SLC4A4: variants seen among roughly 807,000 people sequenced by gnomAD.
SLC4A4 encodes the protein solute carrier family 4 member 4.
A neutral mutation model predicts 111.5 loss-of-function variants in SLC4A4; 27 were observed. The observed-to-expected ratio is 0.24, with a 90% CI of 0.18 to 0.33. The LOEUF (loss-of-function observed/expected upper bound fraction) is 0.33. SLC4A4 is among the 10% of genes least tolerant of loss of function. The pLI is 1.00. For missense variants in SLC4A4, 909 were observed against 1,315.5 expected (o/e 0.69, Z 4.78); for synonymous variants, 443 against 463.4 (o/e 0.96, Z 0.57).
rs1736364974 is a variant in SLC4A4, at chr4:71,555,186, T to C, written c.2741T>C (p.Val914Ala). 2 of 1,609,862 alleles carry C rather than the reference T, an allele frequency of 1.2e-6. No homozygotes were observed. Among genetic ancestry groups the C allele is most frequent in the African/African-American group, 2.7e-5 (2 of 74,838 alleles). ...TATGGTGTGTTCCTGTATATGGGAG[T>C]AGCATCCCTTAATGGTGTGCAGGTA... is the stretch of plus-strand genomic sequence containing the variant. ...VLYGVFLYMG[V>A]ASLNGVQFMD... The change falls in exon 21 of 26, where the codon GTA (valine) becomes GCA (alanine). Residue 914 changes from valine to alanine, a missense_variant. Transcript: ENST00000264485.
chr4:71,081,313 G>T (rs1368772622), intron 1 of SLC4A4, among the ~76,000 whole-genome samples: 1 of 152,048 alleles, frequency 6.6e-6, no homozygotes, highest in East Asian at 1.9e-4. Context: ...CAGAGCCTGG[G>T]CTTAGAGCTC....
chr4:71,191,761 A>T (rs1745743100), intron 1 of SLC4A4, among the ~76,000 whole-genome samples: 3 of 152,208 alleles, frequency 2.0e-5, no homozygotes, highest in Admixed American at 2.0e-4. Context: ...TTTCATGTAG[A>T]ATGAACATAG....
chr4:71,303,754 T>G (rs1725456755), intron 3 of SLC4A4, among the ~76,000 whole-genome samples: 1 of 152,086 alleles, frequency 6.6e-6, no homozygotes, highest in Non-Finnish European at 1.5e-5. Flanking sequence ...TTCTTTTACT[T>G]CCCTTTCTTC....
chr4:71,171,137 C>G (rs116559321), intron 2 of SLC4A4, among the ~76,000 whole-genome samples: 255 of 151,494 alleles, frequency 1.7e-3, no homozygotes, highest in African/African-American at 5.9e-3. Context: ...TGAAGAACTA[C>G]TGAAAAATTT....
At chr4:71,110,965 C>A (rs1049311879) in intron 2 of SLC4A4, among the ~76,000 whole-genome samples, 3 of 152,118 alleles carry the variant, frequency 2.0e-5, no homozygotes, top group African/African-American at 7.2e-5. Context: ...CTCTCAGATG[C>A]TATTTTATAC....
At chr4:71,431,548 C>T (rs376514741) in intron 7 of SLC4A4, among the ~76,000 whole-genome samples, 21 of 152,046 alleles carry the variant, frequency 1.4e-4, no homozygotes, top group Admixed American at 6.6e-4. Context: ...CTTTAAAATC[C>T]GAATTTTTGT....
chr4:71,490,406 G>T (rs1427495785), intron 15 of SLC4A4, among the ~76,000 whole-genome samples: 1 of 151,734 alleles, frequency 6.6e-6, no homozygotes, highest in Non-Finnish European at 1.5e-5. Context: ...TTTGATGGTT[G>T]TAACTACTAT....
At chr4:71,142,761 CTTTT>C (rs34495804) in intron 2 of SLC4A4, among the ~76,000 whole-genome samples, 1 of 78,038 alleles carries the variant, frequency 1.3e-5, no homozygotes, top group Non-Finnish European at 2.4e-5. Flanking sequence ...TTTTCTCACT[CTTTT>C]TTTTTTTTTT....
intron 1 of SLC4A4, among the ~76,000 whole-genome samples, chr4:71,084,819 G>C (rs916892234): frequency 1.3e-5 from 2 of 151,980 alleles, no homozygotes; most frequent in African/African-American, 2.4e-5. Context: ...GGACATTTGG[G>C]TTGGTTCCAA....
chr4:71,212,739 C>A (rs1352902851), intron 1 of SLC4A4, among the ~76,000 whole-genome samples: 1 of 152,100 alleles, frequency 6.6e-6, no homozygotes, highest in Non-Finnish European at 1.5e-5. Flanking sequence ...TAGGCCAGGT[C>A]ACATTAAATA....
rs767881694 is a variant in SLC4A4 at position 71,357,204 on chromosome 4, C to A, written c.730+17C>A. ...CTGATAATGGTAATGCAGAGGCCAG[C>A]TGGCTGCTGCTTTCTCTTACTTATT... On this transcript the variant is annotated intron_variant, in intron 6 of 25. Coordinates refer to ENST00000264485, the MANE Select transcript of SLC4A4 (RefSeq NM_001098484.3). 5.6e-6 allele frequency: 9 copies of A among 1,611,676 alleles called. No individual in the cohort carries two copies. In the South Asian group the frequency reaches 9.9e-5, roughly 18 times the overall value.
intron 2 of SLC4A4, among the ~76,000 whole-genome samples, chr4:71,149,075 A>G (rs956428847): frequency 2.0e-5 from 3 of 152,244 alleles, no homozygotes; most frequent in Middle Eastern, 3.4e-3. Context: ...CTTTTTAATA[A>G]TAGCTATTCA....
intron 2 of SLC4A4, among the ~76,000 whole-genome samples, chr4:71,165,349 TA>T (rs1560753814): frequency 1.3e-5 from 2 of 152,208 alleles, no homozygotes; most frequent in Admixed American, 6.5e-5. Context: ...GTGGCACATA[TA>T]CACCATGTAA....
At chr4:71,284,093 A>G (rs963798646) in intron 3 of SLC4A4, among the ~76,000 whole-genome samples, 3 of 152,182 alleles carry the variant, frequency 2.0e-5, no homozygotes, top group Admixed American at 1.3e-4. Context: ...CATAGGTAAA[A>G]ATTAGCCTCT....
At chr4:71,143,893 G>T (rs1056369196) in intron 2 of SLC4A4, among the ~76,000 whole-genome samples, 6 of 152,058 alleles carry the variant, frequency 3.9e-5, no homozygotes, top group African/African-American at 1.4e-4. Flanking sequence ...CCATTCTGTA[G>T]GTTGCCTGTT....
chr4:71,517,602 A>G (rs1732527960), intron 16 of SLC4A4, among the ~76,000 whole-genome samples: 1 of 152,002 alleles, frequency 6.6e-6, no homozygotes, highest in Non-Finnish European at 1.5e-5. Flanking sequence ...TCGATAGTTC[A>G]TATATCTTCA....
intron 2 of SLC4A4, among the ~76,000 whole-genome samples, chr4:71,178,216 T>A (rs1368213329): frequency 7.9e-5 from 12 of 151,078 alleles, no homozygotes; most frequent in Admixed American, 4.6e-4. Flanking sequence ...AAATGCCCAC[T>A]AGAGAAAGCA....
chr4:71,213,024 A>G (rs1369375781), intron 1 of SLC4A4, among the ~76,000 whole-genome samples: 2 of 152,158 alleles, frequency 1.3e-5, no homozygotes, highest in East Asian at 3.8e-4. Context: ...CATGTGCTGT[A>G]TGGGTTTGTA....
chr4:71,128,689 A>G (rs570019743), intron 2 of SLC4A4, among the ~76,000 whole-genome samples: 2 of 152,016 alleles, frequency 1.3e-5, no homozygotes, highest in South Asian at 4.1e-4. Flanking sequence ...GGGTTTTGCT[A>G]TGTTGGCCAG....
Sources: gnomAD v4.1 joint callset for allele counts (sites outside exome capture counted in the v4.1 genomes callset) on GRCh38, gnomAD v4.1.1 for gene constraint, MANE v1.5 for transcripts, NCBI Gene and HGNC (gene_info 2026-07-23, HGNC 2026-07-21) for gene names.